Variants in VPS53 observed in about 807,000 individuals in gnomAD.
VPS53 encodes vacuolar protein sorting-associated protein 53 homolog.
Under a neutral mutation model 107.0 loss-of-function variants are expected in VPS53, and 70 were observed. That is an observed-to-expected ratio of 0.65 (90% confidence interval 0.54 to 0.80). VPS53 has a LOEUF of 0.80. Ranked by LOEUF, VPS53 falls within the 30% of genes least tolerant of loss-of-function variation. The pLI is 0.00. For missense variants in VPS53, 917 were observed against 1,049.4 expected (o/e 0.87, Z 1.74); for synonymous variants, 409 against 393.3 (o/e 1.04, Z -0.47).
rs1399191487 is a variant in VPS53 at position 586,301 on chromosome 17, G to A, written c.1282C>T (p.His428Tyr). 6.2e-7 allele frequency: 1 copy of A among 1,614,088 alleles called. No individual in the cohort carries two copies. The highest frequency in any genetic ancestry group is 8.5e-7 in the Non-Finnish European group (1 of 1,179,964). Residue 428 changes from histidine to tyrosine, a missense_variant, in exon 13 of 22, where the codon CAT becomes TAT. Coordinates refer to ENST00000437048, the MANE Select transcript of VPS53 (RefSeq NM_001128159.3). ...TGGGATTCGATATACACGTAGAGAT[G>A]AGGCTCAAAACACTTGGAAACAATG... The part of the protein sequence containing the change: ...HGIVSKCFEP[H>Y]LYVYIESQDK...
intron 4 of VPS53, among the ~76,000 whole-genome samples, chr17:666,980 G>A (rs1418273296): frequency 1.3e-5 from 2 of 152,210 alleles, no homozygotes; most frequent in Non-Finnish European, 2.9e-5. Context: ...TGGTGACCTT[G>A]ACAAGAGCAG....
intron 7 of VPS53, among the ~76,000 whole-genome samples, chr17:640,191 C>T (rs182041964): frequency 7.2e-5 from 11 of 152,300 alleles, no homozygotes; most frequent in African/African-American, 9.6e-5. Flanking sequence ...GTGTGGGACC[C>T]GCCGAGCCAG....
intron 4 of VPS53, among the ~76,000 whole-genome samples, chr17:666,295 C>T (rs758769121): frequency 1.3e-5 from 2 of 152,114 alleles, no homozygotes; most frequent in African/African-American, 2.4e-5. Context: ...AAATCAGGGA[C>T]GATGGGTGTT....
chr17:698,147 C>G (rs911105541), intron 3 of VPS53, among the ~76,000 whole-genome samples: 1 of 152,088 alleles, frequency 6.6e-6, no homozygotes, highest in African/African-American at 2.4e-5. Context: ...AAAAGCTAGT[C>G]GAAGGACAGA....
At chr17:592,479 G>C (rs547762061) in intron 12 of VPS53, among the ~76,000 whole-genome samples, 3 of 152,184 alleles carry the variant, frequency 2.0e-5, no homozygotes, top group East Asian at 1.9e-4. Context: ...CAGTTTCTTC[G>C]TAGTCTTGAT....
chr17:610,004 C>T (rs142921536), intron 11 of VPS53, among the ~76,000 whole-genome samples: 3 of 151,480 alleles, frequency 2.0e-5, no homozygotes, highest in South Asian at 2.1e-4. Flanking sequence ...TGGTGGCGGG[C>T]GCCTGTAGTC....
intron 11 of VPS53, among the ~76,000 whole-genome samples, chr17:612,096 G>A (rs1437810671): frequency 1.3e-5 from 2 of 151,386 alleles, no homozygotes; most frequent in Non-Finnish European, 2.9e-5. Context: ...AGTTCACACA[G>A]TGAAAACCTG....
intron 5 of VPS53, chr17:657,285 TCTC>T: frequency 1.2e-6 from 1 of 833,876 alleles, no homozygotes; most frequent in Middle Eastern, 2.3e-4. Context: ...ATGGAAATTC[TCTC>T]CTGTCTTGTC....
intron 14 of VPS53, among the ~76,000 whole-genome samples, chr17:561,074 T>C (rs1437058534): frequency 1.3e-5 from 2 of 152,166 alleles, no homozygotes; most frequent in African/African-American, 2.4e-5. Context: ...AAGTCTGCAC[T>C]GGGACTCGTG....
chr17:670,943 GT>G (rs1567726816), intron 4 of VPS53, among the ~76,000 whole-genome samples: 1 of 152,086 alleles, frequency 6.6e-6, no homozygotes, highest in African/African-American at 2.4e-5. Flanking sequence ...GAAAAGCAAC[GT>G]GCTGGGCCAG....
intron 7 of VPS53, among the ~76,000 whole-genome samples, chr17:643,646 G>A (rs988487692): frequency 1.3e-5 from 2 of 151,192 alleles, no homozygotes; most frequent in African/African-American, 4.9e-5. Context: ...CTCATACTTG[G>A]AAAGCGAGGA....
At chr17:645,423 T>C (rs991749125) in intron 7 of VPS53, among the ~76,000 whole-genome samples, 28 of 152,382 alleles carry the variant, frequency 1.8e-4, no homozygotes, top group Non-Finnish European at 4.1e-4. Flanking sequence ...ATCAGATAAA[T>C]GATTTGGAAA....
rs555798579 is a variant in VPS53, at chr17:646,131, G to A, written c.608+7160C>T. On this transcript the variant is annotated intron_variant, in intron 7 of 21. Transcript: ENST00000437048. ...GGCTCTTACACACATCTCGGTGACC[G>A]CGTGGCCTCTGCCTGATAAGGGTCT... Among the ~76,000 whole-genome samples the A allele has an allele frequency of 1.8e-4, 21 of 116,868 alleles. 3 individuals carry two copies. The South Asian group carries it at 2.5e-3, about 14-fold the overall frequency. The allele number at this position is 116,868 out of a possible 152,430, so 76.7% of individuals were successfully genotyped here.
chr17:521,182 T>A (rs1286281648), intron 20 of VPS53, among the ~76,000 whole-genome samples: 1 of 152,214 alleles, frequency 6.6e-6, no homozygotes, highest in Non-Finnish European at 1.5e-5. Context: ...CTGATTAGAT[T>A]CAGTTACTAC....
intron 12 of VPS53, among the ~76,000 whole-genome samples, chr17:586,895 C>T (rs1196605850): frequency 6.6e-6 from 1 of 152,146 alleles, no homozygotes; most frequent in African/African-American, 2.4e-5. Context: ...AACTAGAACT[C>T]TTTCTGTTAT....
intron 7 of VPS53, among the ~76,000 whole-genome samples, chr17:641,681 C>T (rs1333161185): frequency 2.0e-5 from 3 of 152,162 alleles, no homozygotes; most frequent in Non-Finnish European, 4.4e-5. Context: ...TCTCAAACTC[C>T]TGGGCTCAAG....
intron 5 of VPS53, among the ~76,000 whole-genome samples, chr17:656,254 G>C (rs1328849534): frequency 6.6e-6 from 1 of 152,170 alleles, no homozygotes; most frequent in Non-Finnish European, 1.5e-5. Context: ...ACACAGGACA[G>C]AGGAGGTAAG....
intron 17 of VPS53, among the ~76,000 whole-genome samples, chr17:543,276 T>A (rs2151824189): frequency 6.6e-6 from 1 of 152,300 alleles, no homozygotes; most frequent in East Asian, 1.9e-4. Context: ...CTGAGGAAAA[T>A]GAGAACAGAC....
intron 13 of VPS53, among the ~76,000 whole-genome samples, chr17:565,545 G>A (rs903408454): frequency 5.3e-5 from 8 of 152,054 alleles, no homozygotes; most frequent in Non-Finnish European, 1.0e-4. Context: ...GAAGGATCTC[G>A]TTGGTTGACC....
Sources: gnomAD v4.1 joint callset for allele counts (sites outside exome capture counted in the v4.1 genomes callset) on GRCh38, gnomAD v4.1.1 for gene constraint, MANE v1.5 for transcripts, NCBI Gene and HGNC (gene_info 2026-07-23, HGNC 2026-07-21) for gene names.